Variants in MFSD8 observed in about 807,000 individuals in gnomAD.
The protein encoded by MFSD8 is major facilitator superfamily domain-containing protein 8.
Under a neutral mutation model 66.4 loss-of-function variants are expected in MFSD8, and 55 were observed. That is an observed-to-expected ratio of 0.83 (90% CI 0.67 to 1.04). The LOEUF (loss-of-function observed/expected upper bound fraction) is 1.04, where lower values mean the gene tolerates loss of function less well. Among genes scored for constraint, MFSD8 ranks in the 50% least tolerant of loss-of-function variants. The pLI is 0.00. For missense variants in MFSD8, 550 were observed against 627.6 expected (o/e 0.88, Z 1.32); for synonymous variants, 202 against 212.8 (o/e 0.95, Z 0.44).
In MFSD8 at chr4:127,920,771, G is replaced by A. The variant is rs1473670776; in HGVS notation, c.1416C>T (p.Ile472=). 2.5e-6 allele frequency: 4 copies of A among 1,613,996 alleles called. No individual in the cohort carries two copies. The Admixed American group carries it at 5.0e-5, about 20-fold the overall frequency. ...GTCCCCAGTGAGCATACACTTGGCT[G>A]ATGAACATAGGCCCAAGAATCCGGG... The part of the protein sequence containing the change: ...SGARILGPMF[I]SQVYAHWGPR... Residue 472 remains isoleucine, a synonymous_variant, in exon 12 of 12, where the codon ATC becomes ATT. Coordinates refer to ENST00000641686, the MANE Select transcript of MFSD8 (RefSeq NM_001371596.2).
Position 127,949,797 on chromosome 4 carries a change from T to C in MFSD8, c.198+7A>G, listed in dbSNP as rs776834172. 1 of 1,611,412 alleles carries C rather than the reference T, an allele frequency of 6.2e-7. No homozygotes were observed. Among genetic ancestry groups the C allele is most frequent in the East Asian group, 2.2e-5 (1 of 44,700 alleles). On this transcript the variant is annotated splice_region_variant and intron_variant, in intron 3 of 11. Coordinates refer to ENST00000641686, the MANE Select transcript of MFSD8 (RefSeq NM_001371596.2). ...TATAAGGGAAAAATAGATTGAAATG[T>C]ACAAACCTTTTGGAGATATGGCCAT...
chr4:127,965,352 C>G (rs912730077), upstream of MFSD8: 9 of 622,572 alleles, frequency 1.4e-5, no homozygotes, highest in Non-Finnish European at 2.6e-5. Context: ...TCCCTCGGCA[C>G]GCGCCTCCCA....
chr4:127,954,348 G>A (rs1036088038), intron 2 of MFSD8, among the ~76,000 whole-genome samples: 2 of 152,168 alleles, frequency 1.3e-5, no homozygotes, highest in African/African-American at 2.4e-5. Flanking sequence ...CAGGTGTGGG[G>A]CTCATGCCTG....
intron 3 of MFSD8, 94 bp downstream of exon 3, chr4:127,949,710 T>G: frequency 1.9e-6 from 2 of 1,039,302 alleles, no homozygotes; most frequent in Non-Finnish European, 2.9e-6. Context: ...GATTAAACCA[T>G]AGAATACCAA....
intron 7 of MFSD8, among the ~76,000 whole-genome samples, chr4:127,936,216 C>A (rs1041623070): frequency 2.0e-5 from 3 of 151,912 alleles, no homozygotes; most frequent in Non-Finnish European, 4.4e-5. Context: ...CAGGTTCAAG[C>A]GATTCTCCTG....
intron 9 of MFSD8, among the ~76,000 whole-genome samples, chr4:127,925,995 A>G (rs144564758): frequency 6.6e-6 from 1 of 152,096 alleles, no homozygotes; most frequent in Non-Finnish European, 1.5e-5. Flanking sequence ...ACAGAAAAAC[A>G]AACGCCACAT....
intron 1 of MFSD8, among the ~76,000 whole-genome samples, chr4:127,963,998 A>G (rs1217794089): frequency 6.6e-6 from 1 of 152,182 alleles, no homozygotes; most frequent in Non-Finnish European, 1.5e-5. Context: ...CAGAGTAGCT[A>G]GATACAGAGT....
intron 3 of MFSD8, chr4:127,945,410 C>G (rs1395965850): frequency 6.6e-6 from 1 of 152,082 alleles, no homozygotes; most frequent in Non-Finnish European, 1.5e-5. Context: ...CTCTACCTCC[C>G]AGGTTCAAGC....
At chr4:127,930,476 A>G (rs916285175) in intron 9 of MFSD8, among the ~76,000 whole-genome samples, 25 of 152,340 alleles carry the variant, frequency 1.6e-4, no homozygotes, top group African/African-American at 5.8e-4. Context: ...AAGATAAATA[A>G]GAGTCAATTA....
intron 7 of MFSD8, among the ~76,000 whole-genome samples, chr4:127,935,686 A>C: frequency 6.6e-6 from 1 of 152,356 alleles, no homozygotes; most frequent in East Asian, 1.9e-4. Flanking sequence ...GTACTTTAGA[A>C]CAGTGCTGCC....
chr4:127,919,698 G>A lies in MFSD8; in HGVS notation c.*932C>T, dbSNP rs1736126176. The A allele has an allele frequency of 6.6e-6, 1 of 151,702 alleles. No individual in the cohort carries two copies. 9.4% of individuals were successfully genotyped at this position (151,702 alleles called of 1,614,324 possible). On this transcript the variant is annotated 3_prime_UTR_variant, in exon 12 of 12. Transcript: ENST00000641686. ...ACTATGCAGACATAGATTGAAAACT[G>A]TTGTGTTCCTCCCCGCCACTACTGA...
chr4:127,957,695 G>A, intron 1 of MFSD8, 103 bp from the exon 2 acceptor site: 1 of 792,332 alleles, frequency 1.3e-6, no homozygotes. Flanking sequence ...TGTGATAGAG[G>A]TAGAATTTAC....
intron 1 of MFSD8, among the ~76,000 whole-genome samples, chr4:127,963,597 G>A (rs1744214025): frequency 6.6e-6 from 1 of 152,078 alleles, no homozygotes; most frequent in African/African-American, 2.4e-5. Context: ...CAACTCTTAA[G>A]GCGGCGCGTC....
At chr4:127,948,942 T>C (rs1433039203) in intron 3 of MFSD8, among the ~76,000 whole-genome samples, 1 of 152,210 alleles carries the variant, frequency 6.6e-6, no homozygotes, top group Non-Finnish European at 1.5e-5. Context: ...GGTATTCTGT[T>C]ATAAGCAACA....
chr4:127,951,388 A>G (rs1156876096), intron 2 of MFSD8, among the ~76,000 whole-genome samples: 1 of 151,750 alleles, frequency 6.6e-6, no homozygotes, highest in Non-Finnish European at 1.5e-5. Context: ...TGCCACCACA[A>G]CAGGCTAATT....
intron 4 of MFSD8, among the ~76,000 whole-genome samples, chr4:127,942,364 AAC>A (rs1207156904): frequency 6.6e-6 from 1 of 152,164 alleles, no homozygotes; most frequent in African/African-American, 2.4e-5. Flanking sequence ...GTAATATGAA[AAC>A]AGTTAAAGAT....
At chr4:127,925,273 A>T in intron 9 of MFSD8, among the ~76,000 whole-genome samples, 1 of 152,076 alleles carries the variant, frequency 6.6e-6, no homozygotes, top group Non-Finnish European at 1.5e-5. Flanking sequence ...GCTTCTGCAC[A>T]GCAAAATAAA....
intron 1 of MFSD8, among the ~76,000 whole-genome samples, chr4:127,958,433 G>A (rs1265187411): frequency 6.6e-6 from 1 of 151,998 alleles, no homozygotes; most frequent in Non-Finnish European, 1.5e-5. Context: ...CCTTAGAACT[G>A]TCAAATTAGT....
intron 1 of MFSD8, among the ~76,000 whole-genome samples, chr4:127,962,431 G>T (rs111481224): frequency 6.6e-6 from 1 of 152,084 alleles, no homozygotes. Context: ...TCGCACCACT[G>T]CACTCCAGAC....
Sources: allele counts gnomAD v4.1 joint callset (sites outside exome capture counted in the v4.1 genomes callset), GRCh38; gene constraint gnomAD v4.1.1; transcripts MANE v1.5; gene names NCBI Gene and HGNC (gene_info 2026-07-23, HGNC 2026-07-21).